Variants in ERC1 observed in about 807,000 individuals in gnomAD.
ERC1 encodes RAB6 interacting protein 2.
ERC1 carries 56 observed loss-of-function variants against 132.0 expected under a neutral mutation model. The ratio of observed to expected loss-of-function variants is 0.42; its 90% CI spans 0.34 to 0.53. The LOEUF (loss-of-function observed/expected upper bound fraction) is 0.53, where lower values mean the gene tolerates loss of function less well. Among genes scored for constraint, ERC1 ranks in the 20% least tolerant of loss-of-function variants. The probability of loss-of-function intolerance (pLI) is 0.03; values close to 1 mark genes in which losing one functional copy is unlikely to be tolerated. For missense variants in ERC1, 1,202 were observed against 1,349.9 expected (o/e 0.89, Z 1.72); for synonymous variants, 478 against 476.1 (o/e 1.00, Z -0.05).
At chr12:1,380,311 C>T (rs1591642096) in intron 16 of ERC1, 1 of 152,186 alleles carries the variant, frequency 6.6e-6, no homozygotes, top group African/African-American at 2.4e-5. Flanking sequence ...AACCTGACAG[C>T]TTTCTGTAAT....
chr12:1,431,293 A>G (rs1437407948), intron 17 of ERC1, among the ~76,000 whole-genome samples: 7 of 152,298 alleles, frequency 4.6e-5, no homozygotes, highest in African/African-American at 1.7e-4. Flanking sequence ...CTGTACTCAA[A>G]ATGAGTACAG....
intron 15 of ERC1, among the ~76,000 whole-genome samples, chr12:1,343,352 C>T (rs754841643): frequency 6.6e-6 from 1 of 152,196 alleles, no homozygotes. Context: ...CAAATTCTAG[C>T]AGCTTTGGTG....
At chr12:1,461,629 T>C (rs1035536195) in intron 18 of ERC1, among the ~76,000 whole-genome samples, 6 of 152,054 alleles carry the variant, frequency 3.9e-5, no homozygotes, top group Non-Finnish European at 8.8e-5. Context: ...ATTGCACCAT[T>C]GCACTCCAGC....
chr12:1,440,387 T>C (rs978144600), intron 17 of ERC1, among the ~76,000 whole-genome samples: 4 of 150,682 alleles, frequency 2.7e-5, no homozygotes, highest in African/African-American at 9.8e-5. Flanking sequence ...TTTGTATTTT[T>C]AGTAGAGACG....
intron 12 of ERC1, among the ~76,000 whole-genome samples, chr12:1,218,015 A>T (rs1211539953): frequency 6.6e-6 from 1 of 152,140 alleles, no homozygotes; most frequent in African/African-American, 2.4e-5. Flanking sequence ...AGGCAGTCCT[A>T]ATTAAGAGGA....
chr12:1,110,674 C>T (rs1945757844), intron 5 of ERC1, among the ~76,000 whole-genome samples: 1 of 152,100 alleles, frequency 6.6e-6, no homozygotes, highest in Non-Finnish European at 1.5e-5. Flanking sequence ...ACATCAGGTT[C>T]TTTACCTCTT....
At chr12:1,014,180 T>G (rs368355511) in intron 1 of ERC1, among the ~76,000 whole-genome samples, 59 of 152,260 alleles carry the variant, frequency 3.9e-4, no homozygotes, top group South Asian at 8.3e-4. Flanking sequence ...AAGTTTTTTT[T>G]TTTGTTTGTT....
intron 8 of ERC1, among the ~76,000 whole-genome samples, chr12:1,154,213 G>GTATGTATATGTATATGTA (rs140140472): frequency 0.047 from 6,744 of 142,946 alleles, 217 homozygotes; most frequent in Admixed American, 0.07. Flanking sequence ...GTGTGTGTGT[G>GTATGTATATGTATATGTA]TATGTATATG....
chr12:1,114,142 G>A (rs2154209132), intron 6 of ERC1, among the ~76,000 whole-genome samples: 1 of 152,166 alleles, frequency 6.6e-6, no homozygotes, highest in Non-Finnish European at 1.5e-5. Flanking sequence ...TCCTGCCTCA[G>A]CCTCCTGAGT....
chr12:1,190,191 T>C, intron 12 of ERC1, 139 bp downstream of exon 12: 2 of 825,766 alleles, frequency 2.4e-6, no homozygotes, highest in Non-Finnish European at 4.3e-6. Context: ...TAGCTGCCTT[T>C]TTTCTAGGTC....
chr12:1,167,903 AC>A (rs1482140652), intron 8 of ERC1, among the ~76,000 whole-genome samples: 4 of 151,916 alleles, frequency 2.6e-5, no homozygotes, highest in South Asian at 2.1e-4. Flanking sequence ...TTTACTGCAG[AC>A]GGGGTTTCAG....
intron 3 of ERC1, among the ~76,000 whole-genome samples, chr12:1,100,339 C>G (rs1452256682): frequency 6.6e-6 from 1 of 152,084 alleles, no homozygotes; most frequent in African/African-American, 2.4e-5. Context: ...GTAACAGGGC[C>G]GGATCATGTA....
intron 12 of ERC1, among the ~76,000 whole-genome samples, chr12:1,195,884 C>G (rs1566209141): frequency 2.7e-5 from 4 of 145,538 alleles, no homozygotes; most frequent in Admixed American, 2.1e-4. Flanking sequence ...CGCCCCCCCC[C>G]CCCTTTTTTT....
Position 1,217,277 on chromosome 12 carries a change from A to C in ERC1, c.2352-19492A>C, listed in dbSNP as rs534740056. Among the ~76,000 whole-genome samples the C allele has an allele frequency of 3.3e-5, 5 of 152,338 alleles. No homozygotes were observed. In the East Asian group the frequency reaches 9.6e-4, roughly 29 times the overall value. On this transcript the variant is annotated intron_variant, in intron 12 of 18. Coordinates refer to ENST00000360905, the MANE Select transcript of ERC1 (RefSeq NM_178040.4). Reference sequence around the variant, plus strand: ...ACCTTCAGATTTCTTGGCACAGTACAGTCATAGCATTGTGTCATATCCTTG... The same window carrying C: ...ACCTTCAGATTTCTTGGCACAGTACCGTCATAGCATTGTGTCATATCCTTG...
chr12:1,199,913 CT>C (rs777919131), intron 12 of ERC1, among the ~76,000 whole-genome samples: 168 of 144,354 alleles, frequency 1.2e-3, no homozygotes, highest in Middle Eastern at 3.6e-3. Flanking sequence ...GATTACATAA[CT>C]TTTTTTTTTT....
chr12:1,113,204 A>T (rs1946079063), intron 6 of ERC1, among the ~76,000 whole-genome samples: 2 of 152,172 alleles, frequency 1.3e-5, no homozygotes, highest in Non-Finnish European at 2.9e-5. Flanking sequence ...TAATTTTGGT[A>T]TCCAAGGTGT....
At chr12:1,251,897 A>G (rs1009195992) in intron 13 of ERC1, among the ~76,000 whole-genome samples, 6 of 152,142 alleles carry the variant, frequency 3.9e-5, no homozygotes, top group Non-Finnish European at 8.8e-5. Context: ...AGTGAAATGA[A>G]TGGTTTACTC....
At chr12:1,487,938 A>G (rs1238384930) in intron 18 of ERC1, among the ~76,000 whole-genome samples, 1 of 151,550 alleles carries the variant, frequency 6.6e-6, no homozygotes, top group Admixed American at 6.6e-5. Flanking sequence ...GGAGATCTAG[A>G]CCATTCTGGC....
At chr12:1,385,222 A>C (rs1055291967) in intron 16 of ERC1, among the ~76,000 whole-genome samples, 1 of 152,234 alleles carries the variant, frequency 6.6e-6, no homozygotes, top group Non-Finnish European at 1.5e-5. Context: ...TGCTAAATGA[A>C]AGATTCTTAT....
Sources: gnomAD v4.1 joint callset for allele counts (sites outside exome capture counted in the v4.1 genomes callset) on GRCh38, gnomAD v4.1.1 for gene constraint, MANE v1.5 for transcripts, NCBI Gene and HGNC (gene_info 2026-07-23, HGNC 2026-07-21) for gene names.